ELP1: variants seen among roughly 807,000 people sequenced by gnomAD.
ELP1 encodes the protein elongator acetyltransferase complex subunit 1.
In ELP1, 131 loss-of-function variants were observed where a neutral mutation model predicts 183.2. The observed-to-expected ratio is 0.72, with a 90% CI of 0.62 to 0.83. The LOEUF (loss-of-function observed/expected upper bound fraction) is 0.83, where lower values mean the gene tolerates loss of function less well. ELP1 is among the 40% of genes least tolerant of loss of function. The probability of loss-of-function intolerance (pLI) is 0.00; values close to 1 mark genes in which losing one functional copy is unlikely to be tolerated. For synonymous variants in ELP1, 555 were observed against 569.0 expected, an observed-to-expected ratio of 0.98 and a Z score of 0.35; for missense variants, 1,550 against 1,594.9, an observed-to-expected ratio of 0.97 and a Z score of 0.48.
At chr9:108,930,915 A>C in intron 2 of ELP1, 82 bp downstream of exon 2, 1 of 1,347,892 alleles carries the variant, frequency 7.4e-7, no homozygotes, top group South Asian at 1.2e-5. Context: ...GATATAAAGA[A>C]AGACCATGTG....
intron 14 of ELP1, among the ~76,000 whole-genome samples, chr9:108,905,402 TTAC>T (rs1828981595): frequency 6.6e-6 from 1 of 152,096 alleles, no homozygotes; most frequent in African/African-American, 2.4e-5. Flanking sequence ...AGGGCTTACA[TTAC>T]ACAGAAGAGC....
chr9:108,926,144 C>T (rs77623468), intron 5 of ELP1, among the ~76,000 whole-genome samples: 60 of 152,282 alleles, frequency 3.9e-4, no homozygotes, highest in Middle Eastern at 3.4e-3. Context: ...CTGATTGTTC[C>T]CATGGAAATG....
At position 108,894,868 on chromosome 9, in the gene ELP1, T is replaced by C. The variant is rs551230244; in HGVS notation, c.2737-802A>G. On this transcript the variant is annotated intron_variant, in intron 25 of 36. Transcript: ENST00000374647. ...CTCTATGCCATGCCCTGTAAGCAAATTGTTTTTCTTCCTAATGGAGAGGTG... is the reference window on the plus strand; with the variant it reads ...CTCTATGCCATGCCCTGTAAGCAAACTGTTTTTCTTCCTAATGGAGAGGTG... 3.9e-5 allele frequency among the ~76,000 whole-genome samples: 6 copies of C among 152,312 alleles called. No homozygotes were observed. The South Asian group carries it at 1.2e-3, about 32-fold the overall frequency.
chr9:108,922,935 A>T lies in ELP1; in HGVS notation c.467-8T>A. 6.3e-7 allele frequency: 1 copy of T among 1,599,436 alleles called. No individual in the cohort carries two copies. Among genetic ancestry groups the T allele is most frequent in the Non-Finnish European group, 8.6e-7 (1 of 1,166,542 alleles). ...CAACAGTGATAAACTTGCCTACAGA[A>T]CAATTGGCAAGACAACTAATAAGCC... is the stretch of plus-strand genomic sequence containing the variant. On this transcript the variant is annotated splice_region_variant and splice_polypyrimidine_tract_variant and intron_variant, in intron 5 of 36. Coordinates refer to ENST00000374647, the MANE Select transcript of ELP1 (RefSeq NM_003640.5).
intron 29 of ELP1, among the ~76,000 whole-genome samples, chr9:108,885,579 A>G (rs1029585504): frequency 2.0e-5 from 3 of 152,220 alleles, no homozygotes; most frequent in Admixed American, 2.0e-4. Flanking sequence ...TCTACTAAAC[A>G]TTTAAAGAAA....
At chr9:108,914,398 C>CAAA (rs1288308725) in intron 10 of ELP1, among the ~76,000 whole-genome samples, 1 of 28,784 alleles carries the variant, frequency 3.5e-5, no homozygotes, top group African/African-American at 1.4e-4. Flanking sequence ...ACTCCGTCTC[C>CAAA]AAAAAAAAAA....
At chr9:108,909,966 CAT>C (rs1829153134) in intron 12 of ELP1, among the ~76,000 whole-genome samples, 1 of 152,036 alleles carries the variant, frequency 6.6e-6, no homozygotes, top group Non-Finnish European at 1.5e-5. Context: ...TATATATATT[CAT>C]ACACACACAT....
In ELP1 at chr9:108,902,907, A is replaced by G. The variant is rs749510215; in HGVS notation, c.1786T>C (p.Ser596Pro). The G allele has an allele frequency of 3.1e-6, 5 of 1,613,918 alleles. No individual in the cohort carries two copies. In the Admixed American group the frequency reaches 5.0e-5, roughly 16 times the overall value. Reference protein sequence around the residue: ...PSLAIKPWKNSGGFPVRFPYP... With the variant: ...PSLAIKPWKNPGGFPVRFPYP... ...GGAAACCGAACAGGAAATCCACCAG[A>G]GTTCTTCCATGGTTTAATAGCCAGA... Residue 596 changes from serine to proline, a missense_variant, in exon 16 of 37, where the codon TCT (serine) becomes CCT (proline). By Grantham distance (74) the Ser-to-Pro change is moderately conservative. Transcript: ENST00000374647.
chr9:108,888,247 G>C (rs954795393), intron 29 of ELP1, among the ~76,000 whole-genome samples: 3 of 152,222 alleles, frequency 2.0e-5, no homozygotes, highest in Non-Finnish European at 4.4e-5. Flanking sequence ...TGGCAGTGGA[G>C]GGAGAAGGCT....
chr9:108,870,585 AG>A (rs962246976), intron 36 of ELP1, among the ~76,000 whole-genome samples: 1 of 152,088 alleles, frequency 6.6e-6, no homozygotes, highest in Non-Finnish European at 1.5e-5. Context: ...TGAAACAGGT[AG>A]GGGAGGTTAA....
chr9:108,910,868 T>C (rs1829190655), intron 12 of ELP1, 142 bp downstream of exon 12: 1 of 651,390 alleles, frequency 1.5e-6, no homozygotes, highest in African/African-American at 1.9e-5. Context: ...CAATTAAATA[T>C]CATAATGATA....
chr9:108,898,605 C>T, intron 21 of ELP1, 24 bp from the exon 22 acceptor site: 3 of 1,603,270 alleles, frequency 1.9e-6, no homozygotes, highest in Non-Finnish European at 2.6e-6. Flanking sequence ...GACAAAACAT[C>T]TTCGTTCAGA....
At position 108,867,924 on chromosome 9, in the gene ELP1, A is replaced by C. The variant is rs539404183; in HGVS notation, c.*1191T>G. The C allele has an allele frequency of 1.3e-4, 20 of 152,318 alleles. No individual in the cohort carries two copies. The South Asian group carries it at 4.1e-3, about 32-fold the overall frequency. The allele number at this position is 152,318 out of a possible 1,614,324, so 9.4% of individuals were successfully genotyped here. ...AGGATCAAAAGCAGCATTTCCTGTT[A>C]GTTTATGTACAGTGCTGTAGTTTAG... is the stretch of plus-strand genomic sequence containing the variant. On this transcript the variant is annotated 3_prime_UTR_variant, in exon 37 of 37. Coordinates refer to ENST00000374647, the MANE Select transcript of ELP1 (RefSeq NM_003640.5).
In ELP1 at chr9:108,878,039, G is replaced by A. The variant is rs372773763; in HGVS notation, c.3811C>T (p.Pro1271Ser). The change falls in exon 35 of 37, where the codon CCA becomes TCA. Residue 1271 changes from proline (P) to serine (S), a missense_variant. By Grantham distance (74) the Pro-to-Ser change is moderately conservative. Coordinates refer to ENST00000374647, the MANE Select transcript of ELP1 (RefSeq NM_003640.5). ...DTLQLMERSL[P>S]EIWTLTYQQN... ...TGGTAAGTAAGAGTCCAAATTTCTG[G>A]AAGTGACCTTTCCATCAACTGCAGC... 3.1e-6 allele frequency: 5 copies of A among 1,614,056 alleles called. No homozygotes were observed. In the African/African-American group the frequency reaches 6.7e-5, roughly 22 times the overall value.
At chr9:108,922,237 T>C (rs890299306) in intron 6 of ELP1, among the ~76,000 whole-genome samples, 3 of 152,190 alleles carry the variant, frequency 2.0e-5, no homozygotes, top group African/African-American at 7.2e-5. Context: ...AGAGTTTAAA[T>C]GAATTTAATG....
intron 6 of ELP1, among the ~76,000 whole-genome samples, chr9:108,920,726 G>A (rs1033195692): frequency 2.6e-5 from 4 of 151,980 alleles, no homozygotes; most frequent in African/African-American, 9.7e-5. Context: ...ATGGATTTTT[G>A]TTTTCTTTTC....
At chr9:108,912,186 C>G (rs1829248432) in intron 11 of ELP1, 78 bp downstream of exon 11, 2 of 1,084,206 alleles carry the variant, frequency 1.8e-6, no homozygotes, top group Non-Finnish European at 1.4e-6. Context: ...CCCCACTGTT[C>G]CAGTCAAACC....
At chr9:108,896,840 A>G (rs1828569030) in intron 24 of ELP1, 113 bp downstream of exon 24, 1 of 1,145,914 alleles carries the variant, frequency 8.7e-7, no homozygotes, top group Non-Finnish European at 1.3e-6. Flanking sequence ...AATGGCAACT[A>G]AAAAGTCACA....
In ELP1 at chr9:108,892,897, G is replaced by A. The variant is rs1409008410; in HGVS notation, c.2958+89C>T. 4 of 881,290 alleles carry A rather than the reference G, an allele frequency of 4.5e-6. No individual in the cohort carries two copies. In the African/African-American group the frequency reaches 6.6e-5, roughly 14 times the overall value. 54.6% of individuals were successfully genotyped at this position (881,290 alleles called of 1,614,324 possible). On this transcript the variant is annotated intron_variant, in intron 27 of 36. Coordinates refer to ENST00000374647, the MANE Select transcript of ELP1 (RefSeq NM_003640.5). ...GTTTTAAGATAAATTTTGAAGCCAA[G>A]GATGGTGTTATGAACTTAGGATCCT... is the stretch of plus-strand genomic sequence containing the variant.
Sources: gnomAD v4.1 joint callset for allele counts (sites outside exome capture counted in the v4.1 genomes callset) on GRCh38, gnomAD v4.1.1 for gene constraint, MANE v1.5 for transcripts, NCBI Gene and HGNC (gene_info 2026-07-23, HGNC 2026-07-21) for gene names.